The following ZNF280D variants were observed in gnomAD, a reference collection of about 807,000 sequenced individuals.
The protein encoded by ZNF280D is zinc finger protein 280D.
ZNF280D carries 39 observed loss-of-function variants against 94.7 expected under a neutral mutation model. That is an observed-to-expected ratio of 0.41 (90% CI 0.32 to 0.54). The LOEUF is 0.54. ZNF280D is among the 20% of genes least tolerant of loss of function. ZNF280D has a pLI of 0.22. For synonymous variants in ZNF280D, 398 were observed against 377.6 expected (o/e 1.05, Z -0.63); for missense variants, 1,090 against 1,149.3 (o/e 0.95, Z 0.75).
intron 6 of ZNF280D, among the ~76,000 whole-genome samples, chr15:56,693,794 A>G (rs1033641225): frequency 3.3e-5 from 5 of 152,238 alleles, no homozygotes; most frequent in Non-Finnish European, 5.9e-5. Flanking sequence ...AAGGATGAAT[A>G]TATCACATAA....
At chr15:56,682,056 A>C (rs2055654807) in intron 10 of ZNF280D, among the ~76,000 whole-genome samples, 198 bp downstream of exon 10, 1 of 152,082 alleles carries the variant, frequency 6.6e-6, no homozygotes, top group Admixed American at 6.5e-5. Context: ...AAAGAAATAT[A>C]ACTAACTGGA....
rs1010291215 is a variant in ZNF280D, at chr15:56,631,264, A to G, written c.*234T>C. 9 of 428,386 alleles carry G rather than the reference A, an allele frequency of 2.1e-5. No individual in the cohort carries two copies. The highest frequency in any genetic ancestry group is 4.7e-5 in the South Asian group (1 of 21,502). The allele number at this position is 428,386 out of a possible 1,614,324, so 26.5% of individuals were successfully genotyped here. On this transcript the variant is annotated 3_prime_UTR_variant, in exon 22 of 22. Coordinates refer to ENST00000267807, the MANE Select transcript of ZNF280D (RefSeq NM_017661.4). ...AGACCTTTCCACTGCAAATTTAATT[A>G]TCATTAAAATCCTGTTCGTGTTTTT...
At chr15:56,687,578 G>A (rs1372250499) in intron 9 of ZNF280D, among the ~76,000 whole-genome samples, 3 of 152,116 alleles carry the variant, frequency 2.0e-5, no homozygotes, top group African/African-American at 7.2e-5. Context: ...TTCTTCACAT[G>A]TATATCTTTG....
intron 1 of ZNF280D, among the ~76,000 whole-genome samples, chr15:56,708,071 A>T (rs906101873): frequency 6.6e-6 from 1 of 152,168 alleles, no homozygotes; most frequent in African/African-American, 2.4e-5. Flanking sequence ...ATAAAGCAAA[A>T]AACGTCAACA....
chr15:56,720,292 T>C (rs1398438927), intron 1 of ZNF280D, among the ~76,000 whole-genome samples: 2 of 152,160 alleles, frequency 1.3e-5, no homozygotes, highest in Non-Finnish European at 2.9e-5. Flanking sequence ...AAACTACTCA[T>C]CCATAAGAAA....
intron 9 of ZNF280D, among the ~76,000 whole-genome samples, chr15:56,685,346 C>CAAAAT (rs1157038165): frequency 2.0e-5 from 3 of 150,564 alleles, no homozygotes; most frequent in African/African-American, 7.4e-5. Flanking sequence ...GGTAAAAAAA[C>CAAAAT]AAAACAAAAC....
At chr15:56,721,732 G>T (rs1418292902) in intron 1 of ZNF280D, among the ~76,000 whole-genome samples, 1 of 152,174 alleles carries the variant, frequency 6.6e-6, no homozygotes, top group Admixed American at 6.5e-5. Context: ...TTGGCTTAAG[G>T]GAATGTTGTG....
rs1159251938 is a variant in ZNF280D at position 56,654,375 on chromosome 15, A to G, written c.2176+10T>C. On this transcript the variant is annotated intron_variant, in intron 18 of 21. Transcript: ENST00000267807. ...CAAAAATCTAAAGTAGCACAGTTACATATACGTACCTTTCTGCATTACAAC... is the reference window on the plus strand; with the variant it reads ...CAAAAATCTAAAGTAGCACAGTTACGTATACGTACCTTTCTGCATTACAAC... The G allele has an allele frequency of 1.2e-6, 2 of 1,603,708 alleles. No homozygotes were observed. Among genetic ancestry groups the G allele is most frequent in the Admixed American group, 3.5e-5 (2 of 57,208 alleles).
At position 56,720,962 on chromosome 15, in the gene ZNF280D, A is replaced by AT. The variant is rs199853985; in HGVS notation, c.-86+12495dup. 4.9e-3 allele frequency among the ~76,000 whole-genome samples: 128 copies of AT among 26,238 alleles called. 3 individuals are homozygous for AT. The highest frequency in any genetic ancestry group is 0.011 in the African/African-American group (115 of 10,482). The allele number at this position is 26,238 out of a possible 152,430, so 17.2% of individuals were successfully genotyped here. A position where few individuals can be genotyped will look rare whatever the true frequency, so the allele number is the denominator to read the frequency against. ...AAAGCATAGGCAGAGTAGATTTAGC[A>AT]TTTTTTTTGGGGGGGGGGGGGACAG... On this transcript the variant is annotated intron_variant, in intron 1 of 21. Coordinates refer to ENST00000267807, the MANE Select transcript of ZNF280D (RefSeq NM_017661.4).
At chr15:56,668,533 T>C (rs2054454719) in intron 14 of ZNF280D, among the ~76,000 whole-genome samples, 1 of 152,040 alleles carries the variant, frequency 6.6e-6, no homozygotes, top group Admixed American at 6.6e-5. Flanking sequence ...ATATACACTT[T>C]CAACTGAAAG....
chr15:56,643,071 G>A (rs1249187194), intron 19 of ZNF280D, 74 bp from the exon 20 acceptor site: 3 of 958,496 alleles, frequency 3.1e-6, no homozygotes, highest in Non-Finnish European at 4.4e-6. Flanking sequence ...TTCTTTCTCT[G>A]CCAGCCTAAA....
At chr15:56,672,989 G>A (rs983012694) in intron 13 of ZNF280D, among the ~76,000 whole-genome samples, 6 of 151,570 alleles carry the variant, frequency 4.0e-5, no homozygotes, top group African/African-American at 1.5e-4. Context: ...CACAGGTACA[G>A]GCAATTTAAA....
At chr15:56,703,579 T>G (rs2057215485) in intron 4 of ZNF280D, among the ~76,000 whole-genome samples, 1 of 152,168 alleles carries the variant, frequency 6.6e-6, no homozygotes, top group Non-Finnish European at 1.5e-5. Context: ...TAAGGCTAGG[T>G]GCAGTGACTC....
chr15:56,654,016 T>G lies in ZNF280D; in HGVS notation c.2213+182A>C, dbSNP rs1336722057. On this transcript the variant is annotated intron_variant, in intron 19 of 21. Transcript: ENST00000267807. ...ACTTTGAACTTAGGAAATTCCAACT[T>G]GTCTTGCACCAGGTCACGAGCTCCA... 4.2e-6 allele frequency: 6 copies of G among 1,439,354 alleles called. No individual in the cohort carries two copies. The African/African-American group carries it at 7.3e-5, about 18-fold the overall frequency. 89.2% of individuals were successfully genotyped at this position (1,439,354 alleles called of 1,614,324 possible).
chr15:56,715,794 G>T (rs1052220518), intron 1 of ZNF280D, among the ~76,000 whole-genome samples: 2 of 152,082 alleles, frequency 1.3e-5, no homozygotes, highest in African/African-American at 2.4e-5. Context: ...ATGACAGAAG[G>T]TCATTTATTC....
chr15:56,630,366 C>A lies in ZNF280D; in HGVS notation c.*1132G>T, dbSNP rs901125550. On this transcript the variant is annotated 3_prime_UTR_variant, in exon 22 of 22. Transcript: ENST00000267807. Reference sequence around the variant, plus strand: ...TAGTATTTCAAAGCAAACTACTGTTCTTCATATTATTCATTTCTATATCTA... The same window carrying A: ...TAGTATTTCAAAGCAAACTACTGTTATTCATATTATTCATTTCTATATCTA... The A allele has an allele frequency of 6.6e-6, 1 of 151,876 alleles. No homozygotes were observed. Among genetic ancestry groups the A allele is most frequent in the African/African-American group, 2.4e-5 (1 of 41,348 alleles). 9.4% of individuals were successfully genotyped at this position (151,876 alleles called of 1,614,324 possible).
chr15:56,677,089 T>TG (rs1368992938), intron 12 of ZNF280D, among the ~76,000 whole-genome samples: 1 of 152,202 alleles, frequency 6.6e-6, no homozygotes, highest in African/African-American at 2.4e-5. Flanking sequence ...TGTCTTGACT[T>TG]GAAGTTTCAA....
intron 6 of ZNF280D, chr15:56,700,233 G>C: frequency 2.2e-6 from 2 of 927,680 alleles, no homozygotes; most frequent in Non-Finnish European, 2.6e-6. Flanking sequence ...ATAAACTATG[G>C]GTTAGGCTGG....
At chr15:56,665,700 T>C (rs2054240135) in intron 16 of ZNF280D, among the ~76,000 whole-genome samples, 1 of 32,788 alleles carries the variant, frequency 3.0e-5, no homozygotes, top group Non-Finnish European at 1.1e-4. Context: ...CGAGACTCCG[T>C]CTCAAAAAAA....
Sources: allele counts gnomAD v4.1 joint callset (sites outside exome capture counted in the v4.1 genomes callset), GRCh38; gene constraint gnomAD v4.1.1; transcripts MANE v1.5; gene names NCBI Gene and HGNC (gene_info 2026-07-23, HGNC 2026-07-21).